The following KDM3A variants were observed in gnomAD, a reference collection of about 807,000 sequenced individuals.
The protein encoded by KDM3A is lysine-specific demethylase 3A.
In KDM3A, 60 loss-of-function variants were observed where a neutral mutation model predicts 158.0. The ratio of observed to expected loss-of-function variants is 0.38; its 90% CI spans 0.31 to 0.47. KDM3A has a LOEUF of 0.47. Ranked by LOEUF, KDM3A falls within the 20% of genes least tolerant of loss-of-function variation. The pLI, the probability that KDM3A is intolerant of heterozygous loss-of-function variation, is 0.99. For missense variants in KDM3A, 1,319 were observed against 1,574.3 expected (o/e 0.84, Z 2.74); for synonymous variants, 608 against 549.3 (o/e 1.11, Z -1.49).
chr2:86,480,484 A>C (rs1573200581), intron 16 of KDM3A, 122 bp downstream of exon 16: 20 of 782,758 alleles, frequency 2.6e-5, no homozygotes. Context: ...TCATCCTGGA[A>C]CCTGCCACAA....
chr2:86,482,145 A>C (rs1673961396), intron 17 of KDM3A, 43 bp downstream of exon 17: 2 of 1,582,096 alleles, frequency 1.3e-6, no homozygotes, highest in Admixed American at 3.3e-5. Context: ...AAAGTTGAAG[A>C]CAGAACAGGA....
At chr2:86,455,553 AAAAT>A (rs776987391) in intron 5 of KDM3A, among the ~76,000 whole-genome samples, 46 of 152,164 alleles carry the variant, frequency 3.0e-4, no homozygotes, top group Non-Finnish European at 5.6e-4. Context: ...CTTTTTTTCT[AAAAT>A]AAATTTTTAA....
chr2:86,466,785 C>T lies in KDM3A; in HGVS notation c.1421C>T (p.Pro474Leu). The T allele has an allele frequency of 3.7e-6, 6 of 1,613,644 alleles. No homozygotes were observed. Among genetic ancestry groups the T allele is most frequent in the Non-Finnish European group, 1.7e-6 (2 of 1,179,710 alleles). Residue 474 changes from proline (P) to leucine (L), a missense_variant, in exon 10 of 26, where the codon CCT (proline) becomes CTT (leucine). By Grantham distance (98) the Pro-to-Leu change is moderately conservative. Coordinates refer to ENST00000312912, the MANE Select transcript of KDM3A (RefSeq NM_018433.6). Reference protein sequence around the residue: ...PNNCSGKKVEPSALACRSQNL... With the variant: ...PNNCSGKKVELSALACRSQNL... Reference sequence around the variant, plus strand: ...AACTGTTCAGGAAAAAAGGTAGAACCTTCAGCTTTAGCTTGCCGATCACAG... The same window carrying T: ...AACTGTTCAGGAAAAAAGGTAGAACTTTCAGCTTTAGCTTGCCGATCACAG...
chr2:86,468,106 T>A lies in KDM3A; in HGVS notation c.1519+1223T>A, dbSNP rs1673239171. Among the ~76,000 whole-genome samples the A allele has an allele frequency of 2.0e-5, 3 of 152,222 alleles. No individual in the cohort carries two copies. In the South Asian group the frequency reaches 6.2e-4, roughly 31 times the overall value. On this transcript the variant is annotated intron_variant, in intron 10 of 25. Transcript: ENST00000312912. ...AAAAATGAATATATCTACACTATCTTTTTAACTGCAGGCCTCTGTGAAATT... is the reference window on the plus strand; with the variant it reads ...AAAAATGAATATATCTACACTATCTATTTAACTGCAGGCCTCTGTGAAATT...
chr2:86,478,413 C>A (rs1020725019), intron 14 of KDM3A, 148 bp downstream of exon 14: 1 of 843,462 alleles, frequency 1.2e-6, no homozygotes, highest in African/African-American at 1.7e-5. Context: ...TCCTCCAACA[C>A]TTTTCGAGTC....
chr2:86,473,059 T>C (rs911197853), intron 11 of KDM3A, among the ~76,000 whole-genome samples: 2 of 152,230 alleles, frequency 1.3e-5, no homozygotes, highest in African/African-American at 4.8e-5. Context: ...AATTAATGAC[T>C]GTTAGGATAT....
At chr2:86,478,767 C>T in intron 15 of KDM3A, 32 bp downstream of exon 15, 1 of 1,599,772 alleles carries the variant, frequency 6.3e-7, no homozygotes, top group Non-Finnish European at 8.5e-7. Flanking sequence ...TTCAACATCT[C>T]TTGTAATTGT....
rs150079081 is a variant in KDM3A, at chr2:86,483,848, C to T, written c.2923-139C>T. On this transcript the variant is annotated intron_variant, in intron 18 of 25. Coordinates refer to ENST00000312912, the MANE Select transcript of KDM3A (RefSeq NM_018433.6). ...GCTTTGGGAGCTCAGAGAACTAAGC[C>T]GAAACTGTCACATCACCATCTGAGA... is the stretch of plus-strand genomic sequence containing the variant. 6.7e-5 allele frequency: 45 copies of T among 668,632 alleles called. No individual in the cohort carries two copies. In the African/African-American group the frequency reaches 7.1e-4, roughly 11 times the overall value. The allele number at this position is 668,632 out of a possible 1,614,324, so 41.4% of individuals were successfully genotyped here. A position where few individuals can be genotyped will look rare whatever the true frequency, so the allele number is the denominator to read the frequency against.
intron 5 of KDM3A, among the ~76,000 whole-genome samples, chr2:86,455,901 A>G (rs1672671438): frequency 6.7e-6 from 1 of 149,284 alleles, no homozygotes; most frequent in South Asian, 2.1e-4. Context: ...GGCTACAGTG[A>G]TCCCTGATTA....
At chr2:86,484,291 C>T (rs1313715622) in intron 19 of KDM3A, 133 bp downstream of exon 19, 2 of 689,186 alleles carry the variant, frequency 2.9e-6, no homozygotes, top group African/African-American at 3.6e-5. Context: ...AACGTCTCTC[C>T]TCCCCTTCCT....
In KDM3A at chr2:86,456,488, C is replaced by G. The variant is rs1225637886; in HGVS notation, c.603C>G (p.Asp201Glu). 1.3e-6 allele frequency: 2 copies of G among 1,594,294 alleles called. No homozygotes were observed. The highest frequency in any genetic ancestry group is 1.7e-6 in the Non-Finnish European group (2 of 1,169,214). Residue 201 changes from aspartate to glutamate, a missense_variant, in exon 6 of 26, where the codon GAC (aspartate) becomes GAG (glutamate). Asp to Glu is a conservative substitution (Grantham distance 45). This residue lies in a region of KDM3A where 652 missense variants were observed against 627.2 expected (regional missense o/e 1.04). Transcript: ENST00000312912. ...CAGAAGTAAAAATTTATAGCTTGGA[C>G]CCATCTACTCAGTGGTTTTCAGCAA... ...VGSEVKIYSL[D>E]PSTQWFSATV...
At chr2:86,475,496 G>T (rs535615346) in intron 12 of KDM3A, among the ~76,000 whole-genome samples, 1 of 152,328 alleles carries the variant, frequency 6.6e-6, no homozygotes, top group East Asian at 1.9e-4. Context: ...ATGTGCATGT[G>T]CTTGTGTCTT....
intron 5 of KDM3A, among the ~76,000 whole-genome samples, chr2:86,455,966 A>G (rs1025458362): frequency 9.2e-5 from 14 of 151,828 alleles, no homozygotes; most frequent in Admixed American, 7.9e-4. Context: ...AAAAAAAAAA[A>G]AAAAAAAGAA....
rs370037017 is a variant in KDM3A at position 86,485,682 on chromosome 2, T to C, written c.3183-47T>C. On this transcript the variant is annotated intron_variant, in intron 20 of 25. Coordinates refer to ENST00000312912, the MANE Select transcript of KDM3A (RefSeq NM_018433.6). The stretch of plus-strand genomic sequence containing the variant: ...ACAAAACAGGTTACACAATAATGAA[T>C]TAGAAAAGCAATCTAACTTTGCAAA... The C allele has an allele frequency of 6.9e-6, 11 of 1,603,684 alleles. No homozygotes were observed. The African/African-American group carries it at 9.4e-5, about 14-fold the overall frequency.
rs1335363172 is a variant in KDM3A at position 86,489,323 on chromosome 2, A to G, written c.3319A>G (p.Ile1107Val). The change falls in exon 22 of 26, where the codon ATC becomes GTC. Residue 1107 changes from isoleucine (I) to valine (V), a missense_variant. By Grantham distance (29) the Ile-to-Val change is conservative. Transcript: ENST00000312912. ...GPKMYNAYGL[I>V]TPEDRKYGTT... ...AAGGCACTTTGTTTTTGCAGGATTA[A>G]TCACTCCTGAAGATCGGAAATATGG... The G allele has an allele frequency of 1.2e-6, 2 of 1,613,168 alleles. No individual in the cohort carries two copies. The highest frequency in any genetic ancestry group is 4.5e-5 in the East Asian group (2 of 44,882).
intron 8 of KDM3A, among the ~76,000 whole-genome samples, chr2:86,458,439 G>T (rs999530728): frequency 6.6e-6 from 1 of 152,158 alleles, no homozygotes; most frequent in Non-Finnish European, 1.5e-5. Flanking sequence ...TTTCATTTTT[G>T]CCTTAAAGTT....
intron 3 of KDM3A, among the ~76,000 whole-genome samples, chr2:86,450,790 A>G (rs1558605549): frequency 6.6e-6 from 1 of 152,152 alleles, no homozygotes; most frequent in African/African-American, 2.4e-5. Context: ...AGAACTGGTT[A>G]AAAACACAGG....
intron 2 of KDM3A, among the ~76,000 whole-genome samples, chr2:86,446,741 T>C (rs148841569): frequency 6.6e-6 from 1 of 152,286 alleles, no homozygotes; most frequent in African/African-American, 2.4e-5. Flanking sequence ...TTTGTAGAAA[T>C]GTCCACAGAA....
intron 8 of KDM3A, among the ~76,000 whole-genome samples, chr2:86,457,324 A>G (rs983739929): frequency 2.6e-5 from 4 of 151,978 alleles, no homozygotes; most frequent in African/African-American, 2.4e-5. Flanking sequence ...TTGTAGAGAC[A>G]GGGTCTTGGT....
Sources: gnomAD v4.1 joint callset for allele counts (sites outside exome capture counted in the v4.1 genomes callset) on GRCh38, gnomAD v4.1.1 for gene constraint, gnomAD v4.1.1 regional missense constraint, MANE v1.5 for transcripts, NCBI Gene and HGNC (gene_info 2026-07-23, HGNC 2026-07-21) for gene names.